Variants in CPQ observed in about 807,000 individuals in gnomAD.
CPQ encodes carboxypeptidase Q.
CPQ carries 37 observed loss-of-function variants against 45.7 expected under a neutral mutation model. That is an observed-to-expected ratio of 0.81 (90% CI 0.62 to 1.07). The LOEUF (loss-of-function observed/expected upper bound fraction) is 1.07. CPQ is among the 50% of genes least tolerant of loss of function. CPQ has a pLI of 0.00. For synonymous variants in CPQ, 186 were observed against 205.8 expected (o/e 0.90, Z 0.82); for missense variants, 537 against 572.9 (o/e 0.94, Z 0.64).
rs149918888 is a variant in CPQ at position 96,936,125 on chromosome 8, G to A, written c.850-29810G>A. 7.3e-4 allele frequency among the ~76,000 whole-genome samples: 111 copies of A among 152,216 alleles called. 1 individual carries two copies. In the East Asian group the frequency reaches 0.019, roughly 25 times the overall value. The stretch of plus-strand genomic sequence containing the variant: ...CCTGGAGAAAACTCAGGGTTTGTGT[G>A]TTAAGAATGAAGTGCTTGCATTCCC... On this transcript the variant is annotated intron_variant, in intron 4 of 7. Transcript: ENST00000220763.
At chr8:96,752,263 A>T (rs781202523) in intron 1 of CPQ, among the ~76,000 whole-genome samples, 1 of 152,206 alleles carries the variant, frequency 6.6e-6, no homozygotes, top group Non-Finnish European at 1.5e-5. Flanking sequence ...ATCCATGAGC[A>T]TGGAATGTTT....
intron 3 of CPQ, among the ~76,000 whole-genome samples, chr8:96,835,472 T>C (rs552191623): frequency 1.3e-5 from 2 of 152,326 alleles, no homozygotes; most frequent in South Asian, 2.1e-4. Flanking sequence ...GTATTTTCAT[T>C]GGAGGAAGAA....
chr8:96,934,506 A>G (rs767220069), intron 4 of CPQ, among the ~76,000 whole-genome samples: 3 of 152,138 alleles, frequency 2.0e-5, no homozygotes, highest in African/African-American at 4.8e-5. Flanking sequence ...AAGAATGGAT[A>G]ATAGGAAGGT....
At chr8:97,045,979 T>G (rs1186199085) in intron 6 of CPQ, among the ~76,000 whole-genome samples, 1 of 152,218 alleles carries the variant, frequency 6.6e-6, no homozygotes, top group African/African-American at 2.4e-5. Context: ...GGGCTGAAGA[T>G]CAGGCAGGGA....
chr8:97,021,922 C>T (rs1809694710), intron 5 of CPQ, among the ~76,000 whole-genome samples: 1 of 152,114 alleles, frequency 6.6e-6, no homozygotes, highest in Non-Finnish European at 1.5e-5. Context: ...GCCCACATAG[C>T]TGAAGCGAGA....
rs533038749 is a variant in CPQ at position 96,716,030 on chromosome 8, G to A, written c.-34-68834G>A. On this transcript the variant is annotated intron_variant, in intron 1 of 7. Coordinates refer to ENST00000220763, the MANE Select transcript of CPQ (RefSeq NM_016134.4). ...CTTTGGGTATACATAGCCTTAGTGT[G>A]TTGGCTTTCTCAAATGTTGGCTGTA... is the stretch of plus-strand genomic sequence containing the variant. Among the ~76,000 whole-genome samples the A allele has an allele frequency of 5.9e-5, 9 of 152,362 alleles. No individual in the cohort carries two copies. In the East Asian group the frequency reaches 1.4e-3, roughly 23 times the overall value.
intron 6 of CPQ, among the ~76,000 whole-genome samples, chr8:97,063,643 G>A (rs1026282047): frequency 1.3e-5 from 2 of 152,010 alleles, no homozygotes; most frequent in Admixed American, 1.3e-4. Flanking sequence ...GTTGATTTTT[G>A]TATGGTGTAA....
intron 1 of CPQ, among the ~76,000 whole-genome samples, chr8:96,753,049 A>G (rs1269168770): frequency 3.9e-5 from 6 of 152,152 alleles, no homozygotes; most frequent in Non-Finnish European, 8.8e-5. Flanking sequence ...TTTTCATTTA[A>G]TTCTAAAATG....
At chr8:96,971,570 CAAAG>C (rs1813680745) in intron 5 of CPQ, among the ~76,000 whole-genome samples, 1 of 152,046 alleles carries the variant, frequency 6.6e-6, no homozygotes, top group Admixed American at 6.5e-5. Context: ...TATTTGGGAA[CAAAG>C]GAAGGGAGAC....
intron 4 of CPQ, among the ~76,000 whole-genome samples, chr8:96,902,178 A>C (rs1812520116): frequency 6.6e-6 from 1 of 152,172 alleles, no homozygotes; most frequent in East Asian, 1.9e-4. Context: ...GGAGACTGAA[A>C]AGAAAGGAAG....
intron 1 of CPQ, among the ~76,000 whole-genome samples, chr8:96,730,069 A>G (rs1809890773): frequency 6.6e-6 from 1 of 152,230 alleles, no homozygotes; most frequent in African/African-American, 2.4e-5. Context: ...GTAAACACAA[A>G]GGCAGTAGGA....
intron 2 of CPQ, among the ~76,000 whole-genome samples, chr8:96,786,707 T>C (rs1010546749): frequency 1.3e-5 from 2 of 152,160 alleles, no homozygotes; most frequent in Non-Finnish European, 2.9e-5. Flanking sequence ...TTCTTGGTTA[T>C]AGCTATTCTA....
intron 7 of CPQ, among the ~76,000 whole-genome samples, chr8:97,120,986 C>A (rs1811691909): frequency 6.6e-6 from 1 of 152,140 alleles, no homozygotes; most frequent in African/African-American, 2.4e-5. Context: ...TAATTATTTT[C>A]ATTTCTGTAT....
In CPQ at chr8:97,123,153, A is replaced by AAAAT. The variant is rs1811774321; in HGVS notation, c.1256-19863_1256-19860dup. Among the ~76,000 whole-genome samples, 24 of 62,912 alleles carry AAAAT rather than the reference A, an allele frequency of 3.8e-4. 2 individuals are homozygous for AAAAT. Among genetic ancestry groups the AAAAT allele is most frequent in the African/African-American group, 1.6e-3 (21 of 13,052 alleles). The allele number at this position is 62,912 out of a possible 152,430, so 41.3% of individuals were successfully genotyped here. On this transcript the variant is annotated intron_variant, in intron 7 of 7. Coordinates refer to ENST00000220763, the MANE Select transcript of CPQ (RefSeq NM_016134.4). Reference sequence around the variant, plus strand: ...TAAAATAAAATAAAATAAAATAAATAAAATAAAATAAAATAAAATAAAATA... The same window carrying AAAAT: ...TAAAATAAAATAAAATAAAATAAATAAAATAAATAAAATAAAATAAAATAAAATA...
intron 2 of CPQ, among the ~76,000 whole-genome samples, chr8:96,794,538 C>T (rs1810899348): frequency 6.6e-6 from 1 of 152,192 alleles, no homozygotes; most frequent in African/African-American, 2.4e-5. Context: ...GAGACATTTT[C>T]CCCATTGTCT....
At chr8:96,684,333 T>A (rs1468294201) in intron 1 of CPQ, among the ~76,000 whole-genome samples, 1 of 152,232 alleles carries the variant, frequency 6.6e-6, no homozygotes, top group African/African-American at 2.4e-5. Flanking sequence ...AGTTCCTCAG[T>A]GGCTTAGACT....
rs1169894238 is a variant in CPQ, at chr8:97,023,009, C to CTG, written c.962-6393_962-6392insGT. Among the ~76,000 whole-genome samples the CTG allele has an allele frequency of 1.0e-4, 15 of 143,676 alleles. 1 individual carries two copies. Among genetic ancestry groups the CTG allele is most frequent in the Admixed American group, 4.3e-4 (6 of 14,066 alleles). 94.3% of individuals were successfully genotyped at this position (143,676 alleles called of 152,430 possible). On this transcript the variant is annotated intron_variant, in intron 5 of 7. Transcript: ENST00000220763. ...AGTATATATATACAGTATATATATA[C>CTG]TATATATAGTATATATATACAGTAT...
rs147764297 is a variant in CPQ, at chr8:96,879,805, A to G, written c.649A>G (p.Thr217Ala). The G allele has an allele frequency of 1.1e-4, 182 of 1,613,668 alleles. No homozygotes were observed. The African/African-American group carries it at 2.2e-3, about 19-fold the overall frequency. Residue 217 changes from threonine to alanine, a missense_variant, in exon 4 of 8, where the codon ACA becomes GCA. By Grantham distance (58) the Thr-to-Ala change is moderately conservative. Transcript: ENST00000220763. ...GTGGCTTCTTCTCTCAAGTCCTCAC[A>G]CAGGTATTCAGGAATACCAGGATGG... ...VASFSIYSPH[T>A]GIQEYQDGVP...
chr8:96,939,940 G>A (rs1255276434), intron 4 of CPQ, among the ~76,000 whole-genome samples: 2 of 152,132 alleles, frequency 1.3e-5, no homozygotes, highest in Non-Finnish European at 2.9e-5. Context: ...TTAGAAGTAT[G>A]TAAGAATTCT....
Sources: allele counts gnomAD v4.1 joint callset (sites outside exome capture counted in the v4.1 genomes callset), GRCh38; gene constraint gnomAD v4.1.1; transcripts MANE v1.5; gene names NCBI Gene and HGNC (gene_info 2026-07-23, HGNC 2026-07-21).